Variants in PCDHGA3 observed in about 807,000 individuals in gnomAD.
PCDHGA3 encodes the protein protocadherin gamma-A3.
Under a neutral mutation model 58.5 loss-of-function variants are expected in PCDHGA3, and 40 were observed. That is an observed-to-expected ratio of 0.68 (90% CI 0.53 to 0.89). The LOEUF (loss-of-function observed/expected upper bound fraction) is 0.89, where lower values mean the gene tolerates loss of function less well. PCDHGA3 is among the 40% of genes least tolerant of loss of function. PCDHGA3 has a pLI of 0.00. For missense variants in PCDHGA3, 1,223 were observed against 1,195.9 expected (o/e 1.02, Z -0.33); for synonymous variants, 530 against 525.7 (o/e 1.01, Z -0.11).
chr5:141,403,247 A>T, intron 1 of PCDHGA3: 1 of 1,613,910 alleles, frequency 6.2e-7, no homozygotes, highest in Middle Eastern at 1.6e-4. Flanking sequence ...CTGTGCTCAG[A>T]GCCCGCGGTG....
chr5:141,421,829 T>C, intron 1 of PCDHGA3: 1 of 1,613,784 alleles, frequency 6.2e-7, no homozygotes, highest in Non-Finnish European at 8.5e-7. Flanking sequence ...GAGGGAAGCC[T>C]GGACCGAGAG....
rs1264605994 is a variant in PCDHGA3 at position 141,345,968 on chromosome 5, C to G, written c.1935C>G (p.Ala645=). The G allele has an allele frequency of 6.2e-6, 10 of 1,613,526 alleles. No homozygotes were observed. Among genetic ancestry groups the G allele is most frequent in the Non-Finnish European group, 8.5e-6 (10 of 1,179,876 alleles). The change falls in exon 1 of 4, where the codon GCC becomes GCG. Residue 645 remains alanine (A), a synonymous_variant. Transcript: ENST00000253812. The stretch of plus-strand genomic sequence containing the variant: ...CGCTCAAGCAGAGCCTCGTGGTGGC[C>G]GTCCAGGACCACGGCCAGCCCCCTC... ...RDALKQSLVV[A]VQDHGQPPLS...
At chr5:141,349,693 T>C (rs1405570694) in intron 1 of PCDHGA3, among the ~76,000 whole-genome samples, 3 of 152,108 alleles carry the variant, frequency 2.0e-5, no homozygotes, top group African/African-American at 7.2e-5. Flanking sequence ...GAAAGGTAGG[T>C]ATTTTAGTCA....
intron 1 of PCDHGA3, chr5:141,478,531 C>T (rs771145308): frequency 1.9e-6 from 3 of 1,608,190 alleles, no homozygotes; most frequent in Non-Finnish European, 2.5e-6. Flanking sequence ...GTGCAGAGAG[C>T]GCCCCTCCCG....
At chr5:141,385,709 A>G (rs2090329249) in intron 1 of PCDHGA3, 1 of 259,144 alleles carries the variant, frequency 3.9e-6, no homozygotes, top group Non-Finnish European at 6.2e-6. Context: ...TAGCATTCAA[A>G]TATGTAAAAG....
At position 141,509,122 on chromosome 5, in the gene PCDHGA3, G is replaced by A. The variant is rs2099875312; in HGVS notation, c.2573-1825G>A. 2.0e-5 allele frequency among the ~76,000 whole-genome samples: 3 copies of A among 152,154 alleles called. No homozygotes were observed. In the South Asian group the frequency reaches 6.2e-4, roughly 32 times the overall value. The stretch of plus-strand genomic sequence containing the variant: ...AGAAACCTGAGCGCTGGTGCGTGAA[G>A]AGAAAAACCGAGGCGCATCCCGGCT... On this transcript the variant is annotated intron_variant, in intron 3 of 3. Transcript: ENST00000253812.
At chr5:141,355,539 A>G (rs1759893853) in intron 1 of PCDHGA3, 2 of 1,613,954 alleles carry the variant, frequency 1.2e-6, no homozygotes, top group Non-Finnish European at 1.7e-6. Flanking sequence ...TAGAAGATAC[A>G]GTGAAGATTT....
intron 1 of PCDHGA3, among the ~76,000 whole-genome samples, chr5:141,386,902 G>A (rs2090736648): frequency 6.6e-6 from 1 of 152,206 alleles, no homozygotes; most frequent in Non-Finnish European, 1.5e-5. Flanking sequence ...TCAATTCAGA[G>A]GTCACCAAGG....
chr5:141,374,328 G>A, intron 1 of PCDHGA3: 5 of 1,613,996 alleles, frequency 3.1e-6, no homozygotes, highest in Non-Finnish European at 4.2e-6. Context: ...CCGCGAAACG[G>A]CAGCTTGGTC....
At chr5:141,426,779 T>G in intron 1 of PCDHGA3, 6 of 456,698 alleles carry the variant, frequency 1.3e-5, no homozygotes, top group Non-Finnish European at 1.8e-5. Context: ...GGCCTCACTC[T>G]CTCCAGAGTT....
chr5:141,464,725 A>G (rs538200804), intron 1 of PCDHGA3, among the ~76,000 whole-genome samples: 27 of 152,178 alleles, frequency 1.8e-4, no homozygotes, highest in African/African-American at 5.1e-4. Flanking sequence ...TCATATGTTT[A>G]AAAGCCAGTT....
At chr5:141,415,372 G>A in intron 1 of PCDHGA3, 1 of 1,614,252 alleles carries the variant, frequency 6.2e-7, no homozygotes, top group Non-Finnish European at 8.5e-7. Flanking sequence ...GCAGGCTTCA[G>A]GAGGCGGCTT....
At chr5:141,398,014 C>G in intron 1 of PCDHGA3, 1 of 1,420,276 alleles carries the variant, frequency 7.0e-7, no homozygotes, top group Non-Finnish European at 9.4e-7. Flanking sequence ...AGAATCGTTT[C>G]CTAAACTGGA....
In PCDHGA3 at chr5:141,477,670, A is replaced by G; in HGVS notation, c.2425-17137A>G. 1 of 1,614,198 alleles carries G rather than the reference A, an allele frequency of 6.2e-7. No individual in the cohort carries two copies. The highest frequency in any genetic ancestry group is 1.7e-5 in the Admixed American group (1 of 60,028). ...TCACAATAAATCGTGACAATGGCAT[A>G]GTGTCATCCTTAGTGCCCCTAGACT... On this transcript the variant is annotated intron_variant, in intron 1 of 3. Coordinates refer to ENST00000253812, the MANE Select transcript of PCDHGA3 (RefSeq NM_018916.4). This position sits in a 1 kb window ranked among gnomAD's most constrained non-coding sequence, Gnocchi z 4.9.
Position 141,431,388 on chromosome 5 carries a change from T to G in PCDHGA3, c.2425-63419T>G. 1 of 1,613,920 alleles carries G rather than the reference T, an allele frequency of 6.2e-7. No individual in the cohort carries two copies. The highest frequency in any genetic ancestry group is 8.5e-7 in the Non-Finnish European group (1 of 1,180,038). ...CGCGAAGAAAAGGCTGCTCACCACC[T>G]GGTCCTTACGGCCTCCGACGGGGGC... On this transcript the variant is annotated intron_variant, in intron 1 of 3. Transcript: ENST00000253812. The surrounding 1 kb of genome is among the most constrained non-coding windows in gnomAD (Gnocchi z 4.8).
intron 1 of PCDHGA3, chr5:141,415,400 C>T (rs754292889): frequency 2.5e-6 from 4 of 1,614,228 alleles, no homozygotes; most frequent in South Asian, 1.1e-5. Flanking sequence ...GTGTCCGGCT[C>T]GCACTTTGTG....
chr5:141,497,831 C>T (rs1336808833), intron 2 of PCDHGA3, among the ~76,000 whole-genome samples: 1 of 152,162 alleles, frequency 6.6e-6, no homozygotes, highest in Non-Finnish European at 1.5e-5. Flanking sequence ...TGATCGCCCC[C>T]GGCCACAACA....
chr5:141,432,400 G>A lies in PCDHGA3; in HGVS notation c.2425-62407G>A, dbSNP rs139153105. ...ACCCGCCCCTCAGCAGCAACGTGTC[G>A]TTGAGCCTGTTCGTGCTGGACCAGA... On this transcript the variant is annotated intron_variant, in intron 1 of 3. Transcript: ENST00000253812. The surrounding 1 kb of genome is among the most constrained non-coding windows in gnomAD (Gnocchi z 6.0). 5.6e-6 allele frequency: 9 copies of A among 1,614,122 alleles called. No homozygotes were observed. In the East Asian group the frequency reaches 6.7e-5, roughly 12 times the overall value.
At chr5:141,365,873 T>C in intron 1 of PCDHGA3, 2 of 1,614,096 alleles carry the variant, frequency 1.2e-6, no homozygotes, top group Non-Finnish European at 1.7e-6. Flanking sequence ...CGGTGTCCTG[T>C]ATGCTCTGAG....
Sources: gnomAD v4.1 joint callset for allele counts (sites outside exome capture counted in the v4.1 genomes callset) on GRCh38, gnomAD v4.1.1 for gene constraint, Gnocchi (gnomAD v3.1) non-coding constraint, MANE v1.5 for transcripts, NCBI Gene and HGNC (gene_info 2026-07-23, HGNC 2026-07-21) for gene names.